The following NSUN6 variants were observed in gnomAD, a reference collection of about 807,000 sequenced individuals.
NSUN6 encodes the protein NOP2/Sun RNA methyltransferase 6.
In NSUN6, 64 loss-of-function variants were observed where a neutral mutation model predicts 58.0. That is an observed-to-expected ratio of 1.10 (90% confidence interval 0.90 to 1.36). NSUN6 has a LOEUF of 1.36. Ranked by LOEUF, NSUN6 falls within the 40% of genes most tolerant of loss-of-function variation. The pLI is 0.00. For synonymous variants in NSUN6, 231 were observed against 193.9 expected (o/e 1.19, Z -1.59); for missense variants, 701 against 550.1 (o/e 1.27, Z -2.74).
chr10:18,595,603 AAAG>A (rs2131202308), intron 7 of NSUN6, among the ~76,000 whole-genome samples: 2 of 152,302 alleles, frequency 1.3e-5, no homozygotes, highest in African/African-American at 4.8e-5. Flanking sequence ...CTTTTGGGGC[AAAG>A]AAGAGTATAA....
At chr10:18,589,234 G>T (rs904498108) in intron 7 of NSUN6, among the ~76,000 whole-genome samples, 2 of 152,142 alleles carry the variant, frequency 1.3e-5, no homozygotes, top group African/African-American at 2.4e-5. Flanking sequence ...ACAATGAAAA[G>T]GAGTGAACAA....
At chr10:18,549,198 G>A (rs1467230577) in intron 9 of NSUN6, among the ~76,000 whole-genome samples, 1 of 152,086 alleles carries the variant, frequency 6.6e-6, no homozygotes. Context: ...TCCTTACAGA[G>A]GTCTTTGAGG....
chr10:18,626,796 G>A (rs760354642), intron 3 of NSUN6, among the ~76,000 whole-genome samples: 1 of 152,118 alleles, frequency 6.6e-6, no homozygotes, highest in African/African-American at 2.4e-5. Flanking sequence ...GATGGAAATC[G>A]AGTAGGCTGA....
intron 8 of NSUN6, among the ~76,000 whole-genome samples, chr10:18,572,039 C>A (rs1224700159): frequency 6.6e-6 from 1 of 151,556 alleles, no homozygotes; most frequent in Non-Finnish European, 1.5e-5. Flanking sequence ...CCACTGCATT[C>A]CTTTCCATTC....
In NSUN6 at chr10:18,587,812, C is replaced by T. The variant is rs1470420999; in HGVS notation, c.778-1719G>A. Among the ~76,000 whole-genome samples the T allele has an allele frequency of 3.3e-5, 5 of 152,080 alleles. No individual in the cohort carries two copies. The East Asian group carries it at 9.6e-4, about 29-fold the overall frequency. On this transcript the variant is annotated intron_variant, in intron 7 of 10. Transcript: ENST00000377304. Reference sequence around the variant, plus strand: ...ATCAGGAGATTCCCTCATGAGCCTACACATGGGCCCTGGGTTTCAAGCACA... The same window carrying T: ...ATCAGGAGATTCCCTCATGAGCCTATACATGGGCCCTGGGTTTCAAGCACA...
At chr10:18,555,294 G>T (rs2054908915) in intron 8 of NSUN6, among the ~76,000 whole-genome samples, 1 of 151,062 alleles carries the variant, frequency 6.6e-6, no homozygotes, top group Admixed American at 6.6e-5. Context: ...AGAATGGAAT[G>T]GAATGGAGAA....
chr10:18,651,096 C>T, intron 1 of NSUN6, 33 bp downstream of exon 1: 3 of 1,567,834 alleles, frequency 1.9e-6, no homozygotes, highest in African/African-American at 1.4e-5. Flanking sequence ...TGAGTTTTTG[C>T]AAAATATCAA....
rs1047953289 is a variant in NSUN6, at chr10:18,596,303, GACTT to G, written c.678_681del (p.Ser227MetfsTer3). On this transcript the variant is annotated frameshift_variant, in exon 7 of 11. Transcript: ENST00000377304. LOFTEE classifies it high-confidence loss of function. Reference sequence around the variant, plus strand: ...TCTCCAGGTTGAGGATTTAGTACATGACTTACTAAGGCAGATGGCAAATTCTATA... The same window carrying G: ...TCTCCAGGTTGAGGATTTAGTACATGACTAAGGCAGATGGCAAATTCTATA... 2 of 1,586,006 alleles carry G rather than the reference GACTT, an allele frequency of 1.3e-6. No homozygotes were observed. Among genetic ancestry groups the G allele is most frequent in the Non-Finnish European group, 8.7e-7 (1 of 1,154,440 alleles).
chr10:18,633,489 AG>A (rs1256947801), intron 3 of NSUN6, among the ~76,000 whole-genome samples: 1 of 152,302 alleles, frequency 6.6e-6, no homozygotes, highest in African/African-American at 2.4e-5. Context: ...ACTAAGAAAC[AG>A]CTATAATCCC....
intron 6 of NSUN6, among the ~76,000 whole-genome samples, chr10:18,609,034 T>C (rs1306138144): frequency 5.3e-5 from 8 of 152,154 alleles, no homozygotes; most frequent in Non-Finnish European, 1.0e-4. Context: ...AAAGGCCAGG[T>C]ACGGTGGCTC....
At chr10:18,586,921 G>C (rs1278716162) in intron 7 of NSUN6, among the ~76,000 whole-genome samples, 1 of 152,104 alleles carries the variant, frequency 6.6e-6, no homozygotes, top group Non-Finnish European at 1.5e-5. Context: ...GCTAGACACA[G>C]AGCACTGATT....
intron 4 of NSUN6, among the ~76,000 whole-genome samples, chr10:18,615,097 A>C (rs1032299284): frequency 7.1e-6 from 1 of 140,482 alleles, no homozygotes; most frequent in Non-Finnish European, 1.5e-5. Context: ...ATAAGCATAT[A>C]TAGTCATTCA....
intron 9 of NSUN6, among the ~76,000 whole-genome samples, chr10:18,551,426 T>A (rs1049254771): frequency 1.3e-5 from 2 of 152,104 alleles, no homozygotes; most frequent in African/African-American, 4.8e-5. Context: ...AAACTGCAAG[T>A]CTATACCCAT....
chr10:18,570,476 C>G (rs902730475), intron 8 of NSUN6, among the ~76,000 whole-genome samples: 1 of 148,830 alleles, frequency 6.7e-6, no homozygotes, highest in Admixed American at 6.7e-5. Flanking sequence ...CAATCCATTT[C>G]GTTCCACTTT....
At position 18,574,780 on chromosome 10, in the gene NSUN6, T is replaced by C. The variant is rs543491420; in HGVS notation, c.922+11169A>G. On this transcript the variant is annotated intron_variant, in intron 8 of 10. Transcript: ENST00000377304. Reference sequence around the variant, plus strand: ...TTCGGAGTGAATGAGGTCTCATTAATATTAAAGATCAAGACCTTGTTCACA... The same window carrying C: ...TTCGGAGTGAATGAGGTCTCATTAACATTAAAGATCAAGACCTTGTTCACA... 5.9e-5 allele frequency among the ~76,000 whole-genome samples: 9 copies of C among 152,246 alleles called. No individual in the cohort carries two copies. In the East Asian group the frequency reaches 1.5e-3, roughly 26 times the overall value.
rs770588046 is a variant in NSUN6 at position 18,551,899 on chromosome 10, C to A, written c.995G>T (p.Arg332Ile). Reference protein sequence around the residue: ...LDAPCSGMGQRPNMACTWSVK... With the variant: ...LDAPCSGMGQIPNMACTWSVK... ...AGACCAAGTACAGGCCATGTTTGGT[C>A]TCTGTCCCATTCCACTACAGGGTGC... is the stretch of plus-strand genomic sequence containing the variant. The change falls in exon 9 of 11, where the codon AGA (arginine) becomes ATA (isoleucine). Residue 332 changes from arginine to isoleucine, a missense_variant. Physicochemically the swap from Arg to Ile is moderately conservative, Grantham distance 97. Coordinates refer to ENST00000377304, the MANE Select transcript of NSUN6 (RefSeq NM_182543.5). 6.2e-6 allele frequency: 10 copies of A among 1,612,766 alleles called. No individual in the cohort carries two copies. The African/African-American group carries it at 9.3e-5, about 15-fold the overall frequency.
At chr10:18,594,726 G>A (rs148813777) in intron 7 of NSUN6, among the ~76,000 whole-genome samples, 29 of 152,140 alleles carry the variant, frequency 1.9e-4, no homozygotes, top group African/African-American at 5.8e-4. Flanking sequence ...CCGGTTGTTC[G>A]TGTCTGCATT....
intron 8 of NSUN6, among the ~76,000 whole-genome samples, chr10:18,554,931 G>T (rs898246311): frequency 1.7e-4 from 11 of 65,224 alleles, no homozygotes; most frequent in Non-Finnish European, 4.0e-4. Context: ...ATGGAATCAA[G>T]AATGGAATGG....
rs538724556 is a variant in NSUN6 at position 18,632,164 on chromosome 10, C to T, written c.311+10312G>A. On this transcript the variant is annotated intron_variant, in intron 3 of 10. Coordinates refer to ENST00000377304, the MANE Select transcript of NSUN6 (RefSeq NM_182543.5). Reference sequence around the variant, plus strand: ...AAACAAGCAATGGGGAAAGGATTCCCTAGTTAATAAATGGTGCTGGCAAAA... The same window carrying T: ...AAACAAGCAATGGGGAAAGGATTCCTTAGTTAATAAATGGTGCTGGCAAAA... Among the ~76,000 whole-genome samples the T allele has an allele frequency of 6.7e-3, 1,021 of 151,856 alleles. 6 individuals are homozygous for T. The highest frequency in any genetic ancestry group is 0.024 in the Middle Eastern group (7 of 294).
Sources: gnomAD v4.1 joint callset for allele counts (sites outside exome capture counted in the v4.1 genomes callset) on GRCh38, gnomAD v4.1.1 for gene constraint, MANE v1.5 for transcripts, NCBI Gene and HGNC (gene_info 2026-07-23, HGNC 2026-07-21) for gene names.